GRM7: variants seen among roughly 807,000 people sequenced by gnomAD.
GRM7 encodes metabotropic glutamate receptor 7.
A neutral mutation model predicts 84.5 loss-of-function variants in GRM7; 35 were observed. That is an observed-to-expected ratio of 0.41 (90% CI 0.32 to 0.55). The LOEUF is 0.55. GRM7 is among the 20% of genes least tolerant of loss of function. The pLI, the probability that GRM7 is intolerant of heterozygous loss-of-function variation, is 0.19. For synonymous variants in GRM7, 487 were observed against 455.1 expected (o/e 1.07, Z -0.89); for missense variants, 1,003 against 1,194.6 (o/e 0.84, Z 2.36).
chr3:7,170,500 G>C (rs1297442937), intron 2 of GRM7, among the ~76,000 whole-genome samples: 1 of 152,162 alleles, frequency 6.6e-6, no homozygotes, highest in Non-Finnish European at 1.5e-5. Flanking sequence ...TCTTGGGTTT[G>C]ATCTGGAGCC....
At chr3:6,895,427 C>T (rs543821082) in intron 1 of GRM7, among the ~76,000 whole-genome samples, 3 of 152,294 alleles carry the variant, frequency 2.0e-5, no homozygotes, top group Non-Finnish European at 4.4e-5. Flanking sequence ...ATCAGAATAA[C>T]TGCTGTTTTC....
At chr3:7,218,462 A>C (rs1696686767) in intron 2 of GRM7, among the ~76,000 whole-genome samples, 1 of 152,032 alleles carries the variant, frequency 6.6e-6, no homozygotes, top group African/African-American at 2.4e-5. Flanking sequence ...AAATAAAAAT[A>C]ACTTTGCCTG....
intron 8 of GRM7, among the ~76,000 whole-genome samples, chr3:7,616,312 G>A (rs1310051915): frequency 3.9e-5 from 6 of 152,062 alleles, no homozygotes; most frequent in Non-Finnish European, 5.9e-5. Flanking sequence ...TTTCTTTACC[G>A]TTAGAATAAT....
chr3:7,710,899 T>A (rs1293347189), intron 9 of GRM7, among the ~76,000 whole-genome samples: 1 of 152,208 alleles, frequency 6.6e-6, no homozygotes, highest in Non-Finnish European at 1.5e-5. Flanking sequence ...TTCACCTGTC[T>A]CAACCTCACG....
chr3:7,522,571 T>C (rs1700637360), intron 7 of GRM7, among the ~76,000 whole-genome samples: 1 of 152,084 alleles, frequency 6.6e-6, no homozygotes, highest in South Asian at 2.1e-4. Flanking sequence ...AGCCAGAAAA[T>C]TTCTTTCCAT....
In GRM7 at chr3:7,356,308, T is replaced by A. The variant is rs905151603; in HGVS notation, c.1033+49656T>A. Among the ~76,000 whole-genome samples, 7 of 151,906 alleles carry A rather than the reference T, an allele frequency of 4.6e-5. No individual in the cohort carries two copies. The South Asian group carries it at 8.3e-4, about 18-fold the overall frequency. ...ATCAGCAGAGGAGGATTTTTTTTTT[T>A]TTATTTTTTTTGAGACAGAGTCTCA... On this transcript the variant is annotated intron_variant, in intron 4 of 9. Coordinates refer to ENST00000357716, the MANE Select transcript of GRM7 (RefSeq NM_000844.4).
chr3:7,072,798 G>T (rs1697931699), intron 1 of GRM7, among the ~76,000 whole-genome samples: 1 of 152,190 alleles, frequency 6.6e-6, no homozygotes, highest in Non-Finnish European at 1.5e-5. Context: ...GTTTGCAAAA[G>T]GATATTGATA....
intron 7 of GRM7, among the ~76,000 whole-genome samples, chr3:7,546,337 C>A (rs1015051051): frequency 6.6e-6 from 1 of 152,168 alleles, no homozygotes; most frequent in Non-Finnish European, 1.5e-5. Context: ...CTGTTACGGA[C>A]ACCTGACCAT....
intron 3 of GRM7, among the ~76,000 whole-genome samples, chr3:7,305,541 C>T (rs1302948683): frequency 1.8e-4 from 8 of 45,026 alleles, no homozygotes; most frequent in African/African-American, 3.9e-4. Context: ...TATTCCCCTT[C>T]CTGTGTCCAT....
intron 8 of GRM7, among the ~76,000 whole-genome samples, chr3:7,649,563 C>T (rs3864070): frequency 0.56 from 85,835 of 151,940 alleles, 24,745 homozygotes; most frequent in Non-Finnish European, 0.61. Flanking sequence ...GTGGCAGAGA[C>T]ATATGAATAA....
intron 1 of GRM7, among the ~76,000 whole-genome samples, chr3:7,040,815 G>A (rs967885605): frequency 6.6e-6 from 1 of 151,842 alleles, no homozygotes; most frequent in Non-Finnish European, 1.5e-5. Flanking sequence ...AGGTGCAGTG[G>A]CTCATGCCTG....
intron 1 of GRM7, among the ~76,000 whole-genome samples, chr3:7,056,624 C>T (rs1450936882): frequency 1.3e-5 from 2 of 151,964 alleles, no homozygotes; most frequent in Non-Finnish European, 2.9e-5. Flanking sequence ...TTTGTAGCTA[C>T]TACGGAAGAT....
chr3:7,350,310 TG>T (rs762700077), intron 4 of GRM7, among the ~76,000 whole-genome samples: 5 of 152,116 alleles, frequency 3.3e-5, no homozygotes, highest in Non-Finnish European at 5.9e-5. Context: ...AGGTGGGGCC[TG>T]GTGGGAGGTG....
chr3:7,027,081 T>A (rs1696010408), intron 1 of GRM7, among the ~76,000 whole-genome samples: 1 of 152,224 alleles, frequency 6.6e-6, no homozygotes, highest in Non-Finnish European at 1.5e-5. Context: ...AAATTCCACC[T>A]CTTATTGAAG....
chr3:7,000,947 A>T (rs1694992235), intron 1 of GRM7, among the ~76,000 whole-genome samples: 1 of 152,332 alleles, frequency 6.6e-6, no homozygotes, highest in East Asian at 1.9e-4. Flanking sequence ...GAACAGAAAA[A>T]ACAGGAAACG....
intron 2 of GRM7, among the ~76,000 whole-genome samples, chr3:7,224,716 C>G (rs996446849): frequency 5.3e-5 from 8 of 152,152 alleles, no homozygotes; most frequent in African/African-American, 7.2e-5. Flanking sequence ...GCTTTCATTT[C>G]AAGAAATTAT....
chr3:7,685,024 T>A (rs534918850), intron 9 of GRM7, among the ~76,000 whole-genome samples: 1 of 152,340 alleles, frequency 6.6e-6, no homozygotes, highest in South Asian at 2.1e-4. Context: ...GAATTTGGCA[T>A]GTTTCCCTGT....
intron 7 of GRM7, among the ~76,000 whole-genome samples, chr3:7,470,736 A>T (rs1182108054): frequency 6.6e-6 from 1 of 152,284 alleles, no homozygotes; most frequent in East Asian, 1.9e-4. Context: ...AAGAAATACA[A>T]CAAGATAAAT....
chr3:7,336,562 G>A (rs1701429553), intron 4 of GRM7, among the ~76,000 whole-genome samples: 2 of 151,880 alleles, frequency 1.3e-5, no homozygotes, highest in African/African-American at 4.8e-5. Flanking sequence ...ACAAGAGAAG[G>A]AAATAAAGAG....
Sources: gnomAD v4.1 joint callset for allele counts (sites outside exome capture counted in the v4.1 genomes callset) on GRCh38, gnomAD v4.1.1 for gene constraint, MANE v1.5 for transcripts, NCBI Gene and HGNC (gene_info 2026-07-23, HGNC 2026-07-21) for gene names.